Variants in CCDC91 observed in about 807,000 individuals in gnomAD.
CCDC91 encodes coiled-coil domain-containing protein 91.
A neutral mutation model predicts 63.2 loss-of-function variants in CCDC91; 48 were observed. The ratio of observed to expected loss-of-function variants is 0.76; its 90% CI spans 0.60 to 0.97. CCDC91 has a LOEUF of 0.97. Ranked by LOEUF, CCDC91 falls within the 50% of genes least tolerant of loss-of-function variation. CCDC91 has a pLI of 0.00. For missense variants in CCDC91, 500 were observed against 494.6 expected (o/e 1.01, Z -0.10); for synonymous variants, 167 against 165.8 (o/e 1.01, Z -0.06).
At chr12:28,366,977 T>G (rs1944316342) in intron 7 of CCDC91, among the ~76,000 whole-genome samples, 1 of 152,126 alleles carries the variant, frequency 6.6e-6, no homozygotes, top group South Asian at 2.1e-4. Flanking sequence ...CTGGAGGTTT[T>G]CATTTTTCTC....
At chr12:28,292,586 G>A (rs1280696135) in intron 3 of CCDC91, among the ~76,000 whole-genome samples, 1 of 151,404 alleles carries the variant, frequency 6.6e-6, no homozygotes, top group East Asian at 1.9e-4. Flanking sequence ...ATGTGTTTAG[G>A]TATCTAGCTC....
rs1941701946 is a variant in CCDC91 at position 28,195,622 on chromosome 12, C to T, written c.-15+4981C>T. 5.3e-5 allele frequency among the ~76,000 whole-genome samples: 8 copies of T among 152,202 alleles called. No individual in the cohort carries two copies. In the South Asian group the frequency reaches 1.7e-3, roughly 32 times the overall value. On this transcript the variant is annotated intron_variant, in intron 1 of 12. Coordinates refer to ENST00000536442, the MANE Select transcript of CCDC91 (RefSeq NM_018318.5). ...ATCTTGAAGTCAAAAAGCCTGAGTC[C>T]TCCAACTTTGTTGTTGTTTGCCAAA...
intron 8 of CCDC91, among the ~76,000 whole-genome samples, chr12:28,433,562 C>G (rs1231979459): frequency 6.6e-6 from 1 of 151,868 alleles, no homozygotes; most frequent in Non-Finnish European, 1.5e-5. Flanking sequence ...TTCCATTTAT[C>G]TATTTGTTGA....
chr12:28,307,890 A>G, intron 6 of CCDC91, 141 bp downstream of exon 6: 1 of 584,834 alleles, frequency 1.7e-6, no homozygotes, highest in Admixed American at 3.9e-5. Flanking sequence ...AACATGGGCT[A>G]AATTAATGGG....
chr12:28,528,863 C>T (rs1027255431), intron 12 of CCDC91, among the ~76,000 whole-genome samples: 5 of 152,030 alleles, frequency 3.3e-5, no homozygotes, highest in African/African-American at 9.7e-5. Context: ...GTCTATCAAT[C>T]GGAAACTAGT....
At chr12:28,478,263 G>C (rs11049650) in intron 11 of CCDC91, among the ~76,000 whole-genome samples, 31,736 of 152,030 alleles carry the variant, frequency 0.21, 4,346 homozygotes, top group Non-Finnish European at 0.31. Flanking sequence ...CCAAAACAGA[G>C]ATATAGACCA....
intron 8 of CCDC91, among the ~76,000 whole-genome samples, chr12:28,410,267 T>C (rs1947234558): frequency 6.6e-6 from 1 of 152,222 alleles, no homozygotes; most frequent in African/African-American, 2.4e-5. Flanking sequence ...CCTTTATTAC[T>C]ATGAAATGCT....
intron 6 of CCDC91, among the ~76,000 whole-genome samples, chr12:28,338,213 T>G (rs1003313268): frequency 5.3e-5 from 8 of 151,924 alleles, no homozygotes; most frequent in African/African-American, 1.9e-4. Context: ...AAGATTATAT[T>G]TGAGTAGAGA....
intron 11 of CCDC91, among the ~76,000 whole-genome samples, chr12:28,469,242 G>A (rs1209031195): frequency 6.6e-6 from 1 of 151,946 alleles, no homozygotes; most frequent in African/African-American, 2.4e-5. Context: ...CAATAAAGTT[G>A]CAGCATACAA....
chr12:28,341,051 C>A (rs1024691737), intron 6 of CCDC91, among the ~76,000 whole-genome samples: 2 of 152,216 alleles, frequency 1.3e-5, no homozygotes, highest in Middle Eastern at 3.4e-3. Flanking sequence ...TCTGTCCACC[C>A]CAATCAAACC....
chr12:28,453,980 T>G (rs1211094588), intron 11 of CCDC91, among the ~76,000 whole-genome samples: 2 of 152,156 alleles, frequency 1.3e-5, no homozygotes, highest in Non-Finnish European at 2.9e-5. Context: ...TGCTGATTTG[T>G]CAAGAGTCTA....
At chr12:28,280,612 T>C (rs920428232) in intron 3 of CCDC91, among the ~76,000 whole-genome samples, 1 of 152,108 alleles carries the variant, frequency 6.6e-6, no homozygotes, top group African/African-American at 2.4e-5. Flanking sequence ...ATGATTTGTA[T>C]ACCTTTGTAA....
chr12:28,444,313 C>A (rs567350872), intron 8 of CCDC91, among the ~76,000 whole-genome samples: 4 of 152,076 alleles, frequency 2.6e-5, no homozygotes, highest in Non-Finnish European at 4.4e-5. Context: ...AATTTATTTT[C>A]CACTGAACAA....
At chr12:28,366,513 T>C (rs545402964) in intron 7 of CCDC91, among the ~76,000 whole-genome samples, 1 of 152,336 alleles carries the variant, frequency 6.6e-6, no homozygotes, top group Non-Finnish European at 1.5e-5. Flanking sequence ...TTCACTTTTA[T>C]CAGCTTATAA....
chr12:28,394,710 T>TGC (rs1946175488), intron 8 of CCDC91, among the ~76,000 whole-genome samples: 1 of 99,780 alleles, frequency 1.0e-5, no homozygotes, highest in Non-Finnish European at 2.7e-5. Context: ...TTCTGTTTCT[T>TGC]GCTCTCTCTC....
chr12:28,544,939 A>T (rs1241657566), intron 12 of CCDC91, among the ~76,000 whole-genome samples: 1 of 152,074 alleles, frequency 6.6e-6, no homozygotes, highest in African/African-American at 2.4e-5. Flanking sequence ...AAAATTAAAA[A>T]TTTTAGTAAG....
intron 3 of CCDC91, among the ~76,000 whole-genome samples, chr12:28,278,004 TC>T (rs750532897): frequency 3.9e-5 from 6 of 152,030 alleles, no homozygotes; most frequent in Non-Finnish European, 7.4e-5. Context: ...GGTTCTTTGT[TC>T]TGGTTGTGCT....
At chr12:28,232,216 A>G (rs548874331) in intron 1 of CCDC91, among the ~76,000 whole-genome samples, 51 of 152,124 alleles carry the variant, frequency 3.4e-4, no homozygotes, top group Non-Finnish European at 1.0e-4. Flanking sequence ...ATTTCTTGGA[A>G]ACACATAATA....
chr12:28,362,818 TG>T (rs1943991570), intron 7 of CCDC91, among the ~76,000 whole-genome samples: 1 of 152,154 alleles, frequency 6.6e-6, no homozygotes, highest in Non-Finnish European at 1.5e-5. Flanking sequence ...TTGTCTCTGC[TG>T]TGGTTCCTCT....
Sources: gnomAD v4.1 joint callset for allele counts (sites outside exome capture counted in the v4.1 genomes callset) on GRCh38, gnomAD v4.1.1 for gene constraint, MANE v1.5 for transcripts, NCBI Gene and HGNC (gene_info 2026-07-23, HGNC 2026-07-21) for gene names.